The following WWOX variants were observed in gnomAD, a reference collection of about 807,000 sequenced individuals.
WWOX encodes the protein WW domain containing oxidoreductase.
In WWOX, 69 loss-of-function variants were observed where a neutral mutation model predicts 46.2. That is an observed-to-expected ratio of 1.49 (90% CI 1.23 to 1.82). The LOEUF is 1.82. WWOX is among the 40% of genes most tolerant of loss of function. The pLI, the probability that WWOX is intolerant of heterozygous loss-of-function variation, is 0.00. For missense variants in WWOX, 919 were observed against 542.6 expected, an observed-to-expected ratio of 1.69 and a Z score of -6.89; for synonymous variants, 359 against 202.6, an observed-to-expected ratio of 1.77 and a Z score of -6.56.
intron 8 of WWOX, among the ~76,000 whole-genome samples, chr16:78,860,568 A>G: frequency 6.6e-6 from 1 of 152,340 alleles, no homozygotes; most frequent in South Asian, 2.1e-4. Context: ...TACTGTGAAA[A>G]AGAAAAGTCC....
chr16:78,967,922 C>A (rs1436531548), intron 8 of WWOX, among the ~76,000 whole-genome samples: 1 of 152,196 alleles, frequency 6.6e-6, no homozygotes, highest in Non-Finnish European at 1.5e-5. Context: ...GACAGGGAGC[C>A]TTTCTTCCTT....
At chr16:78,377,198 C>T (rs1276971509) in intron 5 of WWOX, among the ~76,000 whole-genome samples, 1 of 152,180 alleles carries the variant, frequency 6.6e-6, no homozygotes, top group Non-Finnish European at 1.5e-5. Flanking sequence ...TAGCTGATGT[C>T]CAGTACGTTG....
chr16:78,979,009 C>T (rs779089170), intron 8 of WWOX, among the ~76,000 whole-genome samples: 3 of 152,068 alleles, frequency 2.0e-5, no homozygotes, highest in Non-Finnish European at 4.4e-5. Flanking sequence ...CTATGAGGAC[C>T]AGCATCGACC....
chr16:79,146,704 G>A (rs879895270), intron 8 of WWOX, among the ~76,000 whole-genome samples: 13 of 152,078 alleles, frequency 8.5e-5, no homozygotes, highest in African/African-American at 2.9e-4. Context: ...TTATATTATG[G>A]GAAGTTTTGA....
intron 5 of WWOX, among the ~76,000 whole-genome samples, chr16:78,245,486 T>A (rs78390916): frequency 0.014 from 2,128 of 152,330 alleles, 48 homozygotes; most frequent in African/African-American, 0.048. Flanking sequence ...TACCATGTAA[T>A]TGAGAGCACC....
intron 8 of WWOX, among the ~76,000 whole-genome samples, chr16:78,852,976 T>C (rs55700411): frequency 0.012 from 1,840 of 152,302 alleles, 38 homozygotes; most frequent in African/African-American, 0.042. Flanking sequence ...GCAATTTATA[T>C]CTTGCCCCCA....
At chr16:78,455,401 G>T (rs562205162) in intron 8 of WWOX, among the ~76,000 whole-genome samples, 1 of 152,160 alleles carries the variant, frequency 6.6e-6, no homozygotes, top group East Asian at 1.9e-4. Flanking sequence ...AGCATTTTGG[G>T]AGGCCAAGGT....
chr16:78,710,030 C>T (rs1011883217), intron 8 of WWOX, among the ~76,000 whole-genome samples: 2 of 152,106 alleles, frequency 1.3e-5, no homozygotes, highest in Non-Finnish European at 1.5e-5. Flanking sequence ...CGCCCCCGGC[C>T]GATAGTTGCC....
chr16:78,197,368 C>G (rs763496276), intron 5 of WWOX, among the ~76,000 whole-genome samples: 13 of 152,198 alleles, frequency 8.5e-5, no homozygotes, highest in Non-Finnish European at 1.5e-4. Flanking sequence ...TTGCCTCCCA[C>G]CACACCACAT....
intron 8 of WWOX, among the ~76,000 whole-genome samples, chr16:78,742,356 G>A (rs905287521): frequency 1.3e-5 from 2 of 152,198 alleles, no homozygotes; most frequent in Admixed American, 6.5e-5. Context: ...GCAGGACAGA[G>A]CCCCACTTCT....
chr16:79,058,425 T>C (rs1316040290), intron 8 of WWOX, among the ~76,000 whole-genome samples: 1 of 151,730 alleles, frequency 6.6e-6, no homozygotes, highest in African/African-American at 2.4e-5. Context: ...TTACCATTTA[T>C]TGAAAGGGAA....
At chr16:78,854,208 T>C (rs557361187) in intron 8 of WWOX, among the ~76,000 whole-genome samples, 104 of 152,342 alleles carry the variant, frequency 6.8e-4, no homozygotes, top group African/African-American at 2.4e-3. Flanking sequence ...CTCTAACTAC[T>C]CAGGTTGCTT....
chr16:78,189,784 A>G (rs1448506622), intron 5 of WWOX, among the ~76,000 whole-genome samples: 2 of 152,084 alleles, frequency 1.3e-5, no homozygotes, highest in African/African-American at 2.4e-5. Flanking sequence ...CCTCCTAAGT[A>G]GCTGGGATTA....
rs2034268061 is a variant in WWOX, at chr16:78,148,027, G to C, written c.410-16156G>C. On this transcript the variant is annotated intron_variant, in intron 4 of 8. Transcript: ENST00000566780. ...AACCCTGTCTCGAGCAGACGAGAAA[G>C]AGTAACGGAGGCCTCAATGGTGAAA... Among the ~76,000 whole-genome samples the C allele has an allele frequency of 2.0e-5, 3 of 152,070 alleles. No homozygotes were observed. The South Asian group carries it at 6.2e-4, about 31-fold the overall frequency.
chr16:79,188,783 A>T (rs1390215886), intron 8 of WWOX, among the ~76,000 whole-genome samples: 1 of 152,168 alleles, frequency 6.6e-6, no homozygotes, highest in Non-Finnish European at 1.5e-5. Context: ...TTCCCTACAG[A>T]CAACGGTGGG....
At chr16:79,053,237 C>G (rs970580814) in intron 8 of WWOX, among the ~76,000 whole-genome samples, 30 of 152,102 alleles carry the variant, frequency 2.0e-4, no homozygotes, top group African/African-American at 6.5e-4. Context: ...TGCACACATA[C>G]GTAATTACAA....
chr16:79,155,428 C>G (rs913203138), intron 8 of WWOX, among the ~76,000 whole-genome samples: 3 of 152,042 alleles, frequency 2.0e-5, no homozygotes, highest in Admixed American at 1.3e-4. Flanking sequence ...ATATTTTAGA[C>G]TTTGAAGTCT....
intron 8 of WWOX, among the ~76,000 whole-genome samples, chr16:79,035,469 C>T (rs1181028923): frequency 1.3e-5 from 2 of 152,018 alleles, no homozygotes; most frequent in African/African-American, 4.8e-5. Context: ...AAGGTGTACT[C>T]CGGCTGCTCC....
chr16:78,645,200 C>T (rs1006202043), intron 8 of WWOX, among the ~76,000 whole-genome samples: 2 of 152,062 alleles, frequency 1.3e-5, no homozygotes, highest in Admixed American at 6.5e-5. Flanking sequence ...TTCTCTCCTG[C>T]GTGGTCTTGT....
Sources: allele counts gnomAD v4.1 joint callset (sites outside exome capture counted in the v4.1 genomes callset), GRCh38; gene constraint gnomAD v4.1.1; transcripts MANE v1.5; gene names NCBI Gene and HGNC (gene_info 2026-07-23, HGNC 2026-07-21).